LYAR: variants seen among roughly 807,000 people sequenced by gnomAD.
LYAR encodes Ly1 antibody reactive.
A neutral mutation model predicts 45.2 loss-of-function variants in LYAR; 37 were observed. The observed-to-expected ratio is 0.82, with a 90% CI of 0.63 to 1.08. The LOEUF is 1.08. Ranked by LOEUF, LYAR falls within the 50% of genes least tolerant of loss-of-function variation. The pLI, the probability that LYAR is intolerant of heterozygous loss-of-function variation, is 0.00. For synonymous variants in LYAR, 176 were observed against 155.1 expected (o/e 1.14, Z -1.00); for missense variants, 493 against 451.0 (o/e 1.09, Z -0.84).
intron 8 of LYAR, among the ~76,000 whole-genome samples, chr4:4,270,777 C>A (rs970303112): frequency 1.3e-5 from 2 of 152,148 alleles, no homozygotes; most frequent in Non-Finnish European, 2.9e-5. Context: ...AGTGGCAACG[C>A]CTAATATTGA....
chr4:4,277,571 G>A (rs1719234722), intron 6 of LYAR, among the ~76,000 whole-genome samples: 1 of 152,186 alleles, frequency 6.6e-6, no homozygotes, highest in South Asian at 2.1e-4. Flanking sequence ...CTCCTCAAAT[G>A]TGGTCTCCTC....
intron 8 of LYAR, chr4:4,268,828 C>A: frequency 2.2e-6 from 1 of 455,740 alleles, no homozygotes; most frequent in Non-Finnish European, 3.9e-6. Flanking sequence ...GAGCAGGTGC[C>A]CATGTGCTAT....
chr4:4,273,828 T>C (rs1719053605), intron 7 of LYAR, among the ~76,000 whole-genome samples, 159 bp from the exon 8 acceptor site: 2 of 152,186 alleles, frequency 1.3e-5, no homozygotes, highest in African/African-American at 4.8e-5. Flanking sequence ...GAGGGTTTTA[T>C]CCTCCTCCAT....
Position 4,274,590 on chromosome 4 carries a change from C to G in LYAR, c.609G>C (p.Lys203Asn), listed in dbSNP as rs143281420. 6.2e-7 allele frequency: 1 copy of G among 1,613,622 alleles called. No homozygotes were observed. The highest frequency in any genetic ancestry group is 2.2e-5 in the East Asian group (1 of 44,878). The stretch of plus-strand genomic sequence containing the variant: ...GGTGGTTTTCTAACTTTAGTTCTTT[C>G]TTTTCTCTTTTCCTTTTCTTCTGCC... ...EERQKKRKRE[K>N]KELKLENHQE... The change falls in exon 7 of 10, where the codon AAG becomes AAC. Residue 203 changes from lysine (K) to asparagine (N), a missense_variant. Physicochemically the swap from Lys to Asn is moderately conservative, Grantham distance 94. Transcript: ENST00000343470.
chr4:4,269,515 G>A (rs1577209109), intron 8 of LYAR, among the ~76,000 whole-genome samples: 1 of 152,166 alleles, frequency 6.6e-6, no homozygotes, highest in African/African-American at 2.4e-5. Context: ...TCATGAGGCT[G>A]CCCCTGCTGT....
At chr4:4,279,588 CTCAG>C in intron 5 of LYAR, 50 bp downstream of exon 5, 1 of 1,561,672 alleles carries the variant, frequency 6.4e-7, no homozygotes, top group Non-Finnish European at 8.8e-7. Flanking sequence ...TACACACAAG[CTCAG>C]TCACTGATGG....
intron 8 of LYAR, among the ~76,000 whole-genome samples, chr4:4,269,809 G>C (rs910048673): frequency 2.0e-5 from 3 of 152,160 alleles, no homozygotes; most frequent in Non-Finnish European, 4.4e-5. Flanking sequence ...CCTGAAATTT[G>C]CTGTGAGGAT....
At chr4:4,276,769 A>C (rs13130555) in intron 6 of LYAR, among the ~76,000 whole-genome samples, 113,112 of 151,168 alleles carry the variant, frequency 0.75, 45,331 homozygotes, top group East Asian at 0.94. Flanking sequence ...GGACAGGAGA[A>C]TCACTTGAAC....
At chr4:4,270,527 C>A in intron 8 of LYAR, among the ~76,000 whole-genome samples, 1 of 142,738 alleles carries the variant, frequency 7.0e-6, no homozygotes, top group Non-Finnish European at 1.5e-5. Flanking sequence ...ACTAAAATCT[C>A]AACAGTTAAA....
In LYAR at chr4:4,274,691, G is replaced by C. The variant is rs779604424; in HGVS notation, c.508C>G (p.Pro170Ala). Reference sequence around the variant, plus strand: ...ACGGCGTCTTTCACTTTGGAGGCTGGAACCTTGGTGGAGATTTCTGCATGT... The same window carrying C: ...ACGGCGTCTTTCACTTTGGAGGCTGCAACCTTGGTGGAGATTTCTGCATGT... ...NPHAEISTKV[P>A]ASKVKDAVEQ... The change falls in exon 7 of 10, where the codon CCA (proline) becomes GCA (alanine). Residue 170 changes from proline to alanine, a missense_variant. Physicochemically the swap from Pro to Ala is conservative, Grantham distance 27. Transcript: ENST00000343470. 6.2e-7 allele frequency: 1 copy of C among 1,613,932 alleles called. No homozygotes were observed. Among genetic ancestry groups the C allele is most frequent in the Non-Finnish European group, 8.5e-7 (1 of 1,180,012 alleles).
At chr4:4,274,035 G>A (rs376891567) in intron 7 of LYAR, among the ~76,000 whole-genome samples, 3 of 152,248 alleles carry the variant, frequency 2.0e-5, no homozygotes, top group African/African-American at 7.2e-5. Flanking sequence ...TCAGGAGTCC[G>A]AGACCAGCCA....
chr4:4,274,190 T>C (rs745344014), intron 7 of LYAR, among the ~76,000 whole-genome samples, 177 bp downstream of exon 7: 4 of 151,620 alleles, frequency 2.6e-5, no homozygotes, highest in Non-Finnish European at 5.9e-5. Context: ...TGAGCTGAGA[T>C]CGTGCCACTG....
At chr4:4,277,013 T>C (rs2108843792) in intron 6 of LYAR, among the ~76,000 whole-genome samples, 1 of 152,310 alleles carries the variant, frequency 6.6e-6, no homozygotes, top group East Asian at 1.9e-4. Flanking sequence ...ACATCTGTCC[T>C]ACAATTCTGT....
chr4:4,283,898 G>C, intron 2 of LYAR, 103 bp from the exon 3 acceptor site: 1 of 570,308 alleles, frequency 1.8e-6, no homozygotes, highest in Non-Finnish European at 3.0e-6. Flanking sequence ...GAAAATAACA[G>C]AGTCAAAGTT....
Position 4,274,493 on chromosome 4 carries a change from C to T in LYAR, c.706G>A (p.Glu236Lys). 1 of 1,614,204 alleles carries T rather than the reference C, an allele frequency of 6.2e-7. No individual in the cohort carries two copies. The highest frequency in any genetic ancestry group is 1.1e-5 in the South Asian group (1 of 91,086). Residue 236 changes from glutamate (E) to lysine (K), a missense_variant, in exon 7 of 10, where the codon GAG becomes AAG. Transcript: ENST00000343470. ...GQEADLEAGG[E>K]EVPEANGSAG... Reference sequence around the variant, plus strand: ...GAGCCATTGGCCTCAGGGACTTCCTCCCCACCAGCCTCAAGGTCAGCCTCC... The same window carrying T: ...GAGCCATTGGCCTCAGGGACTTCCTTCCCACCAGCCTCAAGGTCAGCCTCC...
rs1718772219 is a variant in LYAR at position 4,267,790 on chromosome 4, A to G, written c.*99T>C. The G allele has an allele frequency of 2.8e-6, 3 of 1,054,958 alleles. No individual in the cohort carries two copies. The highest frequency in any genetic ancestry group is 3.4e-4 in the Middle Eastern group (1 of 2,944). The allele number at this position is 1,054,958 out of a possible 1,614,324, so 65.3% of individuals were successfully genotyped here. A position where few individuals can be genotyped will look rare whatever the true frequency, so the allele number is the denominator to read the frequency against. ...CTTAACTTAAAAATACAGCTTCAAA[A>G]AGCAAAATTTGAGTTGTTAGAATTC... is the stretch of plus-strand genomic sequence containing the variant. On this transcript the variant is annotated 3_prime_UTR_variant, in exon 10 of 10. Transcript: ENST00000343470.
chr4:4,269,364 A>C (rs1718839127), intron 8 of LYAR, among the ~76,000 whole-genome samples: 1 of 152,178 alleles, frequency 6.6e-6, no homozygotes, highest in Admixed American at 6.5e-5. Flanking sequence ...CACATCACAG[A>C]AAAAACGGTG....
At chr4:4,285,250 C>T (rs1719559429) in intron 2 of LYAR, among the ~76,000 whole-genome samples, 1 of 152,230 alleles carries the variant, frequency 6.6e-6, no homozygotes, top group Non-Finnish European at 1.5e-5. Context: ...ATGTGGTCAG[C>T]TACAACCTAG....
At position 4,267,786 on chromosome 4, in the gene LYAR, C is replaced by G; in HGVS notation, c.*103G>C. On this transcript the variant is annotated 3_prime_UTR_variant, in exon 10 of 10. Coordinates refer to ENST00000343470, the MANE Select transcript of LYAR (RefSeq NM_017816.3). ...TTTTCTTAACTTAAAAATACAGCTT[C>G]AAAAAGCAAAATTTGAGTTGTTAGA... 1 of 1,024,024 alleles carries G rather than the reference C, an allele frequency of 9.8e-7. No individual in the cohort carries two copies. The highest frequency in any genetic ancestry group is 1.3e-6 in the Non-Finnish European group (1 of 765,976). 63.4% of individuals were successfully genotyped at this position (1,024,024 alleles called of 1,614,324 possible). A position where few individuals can be genotyped will look rare whatever the true frequency, so the allele number is the denominator to read the frequency against.
Sources: allele counts gnomAD v4.1 joint callset (sites outside exome capture counted in the v4.1 genomes callset), GRCh38; gene constraint gnomAD v4.1.1; transcripts MANE v1.5; gene names NCBI Gene and HGNC (gene_info 2026-07-23, HGNC 2026-07-21).